EPB41L4A: variants seen among roughly 807,000 people sequenced by gnomAD.
EPB41L4A encodes band 4.1-like protein 4A.
In EPB41L4A, 100 loss-of-function variants were observed where a neutral mutation model predicts 108.6. The observed-to-expected ratio is 0.92, with a 90% CI of 0.78 to 1.09. The LOEUF is 1.09. Ranked by LOEUF, EPB41L4A falls within the 50% of genes least tolerant of loss-of-function variation. The pLI, the probability that EPB41L4A is intolerant of heterozygous loss-of-function variation, is 0.00. For missense variants in EPB41L4A, 1,030 were observed against 842.7 expected, an observed-to-expected ratio of 1.22 and a Z score of -2.75; for synonymous variants, 319 against 289.0, an observed-to-expected ratio of 1.10 and a Z score of -1.05.
chr5:112,339,502 A>ATATC (rs1561585282), intron 1 of EPB41L4A, among the ~76,000 whole-genome samples: 94 of 102,446 alleles, frequency 9.2e-4, no homozygotes, highest in African/African-American at 4.7e-3. Context: ...ATATCTATAT[A>ATATC]TATATATAGA....
At chr5:112,184,215 T>C (rs928567415) in intron 17 of EPB41L4A, 80 bp from the exon 18 acceptor site, 2 of 1,539,238 alleles carry the variant, frequency 1.3e-6, no homozygotes, top group South Asian at 1.2e-5. Flanking sequence ...TGCTTTTAAA[T>C]GTTATTTAAG....
intron 9 of EPB41L4A, chr5:112,250,546 A>T (rs572432920): frequency 3.3e-5 from 5 of 152,212 alleles, no homozygotes; most frequent in Admixed American, 6.5e-5. Context: ...AAAGTCTAAT[A>T]AACATTATCA....
chr5:112,379,498 G>A (rs1760032353), intron 1 of EPB41L4A, among the ~76,000 whole-genome samples: 1 of 152,182 alleles, frequency 6.6e-6, no homozygotes, highest in Non-Finnish European at 1.5e-5. Context: ...TGACAGGGAA[G>A]AGGAGAAAGG....
chr5:112,288,130 A>G (rs971857321), intron 2 of EPB41L4A, among the ~76,000 whole-genome samples: 2 of 152,140 alleles, frequency 1.3e-5, no homozygotes, highest in Admixed American at 1.3e-4. Context: ...ATGTAATACA[A>G]TTTATAAGAT....
At chr5:112,176,060 G>A (rs1057211427) in intron 18 of EPB41L4A, among the ~76,000 whole-genome samples, 1 of 152,078 alleles carries the variant, frequency 6.6e-6, no homozygotes, top group East Asian at 1.9e-4. Context: ...TCATCTCAAG[G>A]AAAAACACAA....
At chr5:112,175,906 C>T (rs922953256) in intron 18 of EPB41L4A, among the ~76,000 whole-genome samples, 2 of 152,132 alleles carry the variant, frequency 1.3e-5, no homozygotes, top group Admixed American at 6.5e-5. Flanking sequence ...GCTGGGACTA[C>T]ACATACAAGC....
At chr5:112,317,448 G>A (rs767778970) in intron 1 of EPB41L4A, among the ~76,000 whole-genome samples, 15 of 152,208 alleles carry the variant, frequency 9.9e-5, no homozygotes, top group Non-Finnish European at 2.2e-4. Flanking sequence ...GGAAAAGGCA[G>A]AGACTCCAAC....
intron 1 of EPB41L4A, among the ~76,000 whole-genome samples, chr5:112,314,505 TAAAAAAAAAAAAAAAA>T (rs552428109): frequency 0.024 from 1,326 of 55,296 alleles, 33 homozygotes; most frequent in Middle Eastern, 0.15. Context: ...CCATCGCTAC[TAAAAAAAAAAAAAAAA>T]AAAAAAAAAA....
intron 13 of EPB41L4A, among the ~76,000 whole-genome samples, chr5:112,144,774 T>C (rs922838205): frequency 1.3e-5 from 2 of 152,150 alleles, no homozygotes; most frequent in Non-Finnish European, 1.5e-5. Flanking sequence ...GGTGTTGCAA[T>C]TGTTGCTACT....
At chr5:112,143,643 C>G (rs1759143604) in exon 14 of EPB41L4A, 1 of 232,680 alleles carries the variant, frequency 4.3e-6, no homozygotes, top group South Asian at 4.5e-5. Flanking sequence ...CAGGCTTTCT[C>G]TACAAGAGAT....
chr5:112,353,830 C>T (rs556572202), intron 1 of EPB41L4A, among the ~76,000 whole-genome samples: 14 of 152,048 alleles, frequency 9.2e-5, no homozygotes, highest in Non-Finnish European at 1.3e-4. Context: ...CACACACATG[C>T]CTAGGACAAC....
At chr5:112,221,501 A>G (rs1040414857) in intron 12 of EPB41L4A, among the ~76,000 whole-genome samples, 1 of 152,262 alleles carries the variant, frequency 6.6e-6, no homozygotes, top group Non-Finnish European at 1.5e-5. Flanking sequence ...GTAAAATGGG[A>G]ACACCACTAA....
chr5:112,252,899 T>C (rs1452973902), intron 9 of EPB41L4A, among the ~76,000 whole-genome samples: 2 of 150,130 alleles, frequency 1.3e-5, no homozygotes, highest in African/African-American at 4.9e-5. Flanking sequence ...ATTGAAAAAA[T>C]AGAAGTTAAT....
chr5:112,222,761 T>C (rs1684692557), intron 12 of EPB41L4A, among the ~76,000 whole-genome samples: 1 of 152,160 alleles, frequency 6.6e-6, no homozygotes, highest in Non-Finnish European at 1.5e-5. Context: ...TCATCTTTTC[T>C]GGAGAAGGAA....
chr5:112,330,650 G>A (rs1756502277), intron 1 of EPB41L4A, among the ~76,000 whole-genome samples: 1 of 151,904 alleles, frequency 6.6e-6, no homozygotes, highest in East Asian at 1.9e-4. Context: ...GTAAGCAGAA[G>A]ACGCAGAATT....
intron 12 of EPB41L4A, among the ~76,000 whole-genome samples, chr5:112,157,453 A>T (rs1759690446): frequency 6.6e-6 from 1 of 152,214 alleles, no homozygotes; most frequent in Non-Finnish European, 1.5e-5. Context: ...ATAACAAATT[A>T]ACACAAATTT....
At position 112,163,321 on chromosome 5, in the gene EPB41L4A, A is replaced by T. The variant is rs902399223; in HGVS notation, c.*1669T>A. ...TGGGGAGCAGCATTTAAACAGCTGA[A>T]TTTTTAAATTACCTTTGAGAAACCC... On this transcript the variant is annotated 3_prime_UTR_variant, in exon 23 of 23. Coordinates refer to ENST00000261486, the MANE Select transcript of EPB41L4A (RefSeq NM_022140.5). The T allele has an allele frequency of 4.6e-5, 7 of 152,206 alleles. No individual in the cohort carries two copies. Among genetic ancestry groups the T allele is most frequent in the African/African-American group, 1.7e-4 (7 of 41,454 alleles). 9.4% of individuals were successfully genotyped at this position (152,206 alleles called of 1,614,324 possible).
chr5:112,235,192 G>T (rs1215155151), intron 11 of EPB41L4A, among the ~76,000 whole-genome samples: 1 of 152,136 alleles, frequency 6.6e-6, no homozygotes, highest in Non-Finnish European at 1.5e-5. Flanking sequence ...TTTTATTCTG[G>T]ACTCTGTCAT....
intron 15 of EPB41L4A, among the ~76,000 whole-genome samples, chr5:112,198,096 C>A (rs918245805): frequency 2.6e-5 from 4 of 151,764 alleles, no homozygotes; most frequent in Non-Finnish European, 5.9e-5. Flanking sequence ...TACAGTGGTG[C>A]GATCTCAGCT....
Sources: allele counts gnomAD v4.1 joint callset (sites outside exome capture counted in the v4.1 genomes callset), GRCh38; gene constraint gnomAD v4.1.1; transcripts MANE v1.5; gene names NCBI Gene and HGNC (gene_info 2026-07-23, HGNC 2026-07-21).